CALM2: variants seen among roughly 807,000 people sequenced by gnomAD.
The protein encoded by CALM2 is calmodulin-2.
A neutral mutation model predicts 19.8 loss-of-function variants in CALM2; 2 were observed. That is an observed-to-expected ratio of 0.10 (90% CI 0.04 to 0.32). The LOEUF (loss-of-function observed/expected upper bound fraction) is 0.32, where lower values mean the gene tolerates loss of function less well. Ranked by LOEUF, CALM2 falls within the 10% of genes least tolerant of loss-of-function variation. The pLI, the probability that CALM2 is intolerant of heterozygous loss-of-function variation, is 1.00. For missense variants in CALM2, 38 were observed against 178.7 expected (o/e 0.21, Z 4.49); for synonymous variants, 51 against 52.1 (o/e 0.98, Z 0.09).
chr2:47,176,479 A>G lies in CALM2; in HGVS notation c.-36T>C, dbSNP rs367979208. ...CTACCGGTTTCCGAGACGCGACCACACAACCACTCAGCTCGCTCTCTCCAC... is the reference window on the plus strand; with the variant it reads ...CTACCGGTTTCCGAGACGCGACCACGCAACCACTCAGCTCGCTCTCTCCAC... On this transcript the variant is annotated 5_prime_UTR_variant, in exon 1 of 6. Transcript: ENST00000272298. The G allele has an allele frequency of 4.3e-6, 7 of 1,613,300 alleles. No individual in the cohort carries two copies. The highest frequency in any genetic ancestry group is 4.0e-5 in the African/African-American group (3 of 74,800).
chr2:47,161,573 ACT>A (rs1558694221), intron 5 of CALM2, 148 bp downstream of exon 5: 8 of 635,136 alleles, frequency 1.3e-5, no homozygotes, highest in Middle Eastern at 4.4e-4. Context: ...TGCAGACAAC[ACT>A]CTGAATTTTA....
At chr2:47,165,666 C>T (rs1341280621) in intron 2 of CALM2, among the ~76,000 whole-genome samples, 1 of 152,170 alleles carries the variant, frequency 6.6e-6, no homozygotes, top group Non-Finnish European at 1.5e-5. Flanking sequence ...TCCTTGGCCA[C>T]TTCATCTATA....
chr2:47,176,800 T>G, upstream of CALM2: 8 of 985,450 alleles, frequency 8.1e-6, no homozygotes, highest in Non-Finnish European at 9.6e-6. Context: ...GTGGCGGCGA[T>G]GCGTCCCCCG....
chr2:47,172,527 C>T (rs1018234373), intron 1 of CALM2: 15 of 1,178,712 alleles, frequency 1.3e-5, no homozygotes, highest in African/African-American at 4.8e-5. Context: ...TAAATATCAA[C>T]CTGACTAGCT....
chr2:47,162,187 A>C (rs1337596520), intron 4 of CALM2, 99 bp downstream of exon 4: 42 of 452,218 alleles, frequency 9.3e-5, no homozygotes, highest in Non-Finnish European at 1.3e-4. Flanking sequence ...AAAAAAAAAA[A>C]AAAAAAAAAA....
At chr2:47,167,277 T>C (rs893190183) in intron 2 of CALM2, among the ~76,000 whole-genome samples, 4 of 152,200 alleles carry the variant, frequency 2.6e-5, no homozygotes, top group Non-Finnish European at 4.4e-5. Context: ...ACTGTACATT[T>C]TTCCTATCAG....
chr2:47,161,020 C>T (rs184099809), intron 5 of CALM2, among the ~76,000 whole-genome samples: 21 of 152,180 alleles, frequency 1.4e-4, no homozygotes, highest in Admixed American at 1.3e-3. Flanking sequence ...GCCAAATTAA[C>T]GCTTTAGATA....
At chr2:47,174,521 T>A (rs1460125806) in intron 1 of CALM2, among the ~76,000 whole-genome samples, 1 of 152,182 alleles carries the variant, frequency 6.6e-6, no homozygotes, top group Admixed American at 6.5e-5. Context: ...AATAATGATA[T>A]CTGTCAATTT....
At chr2:47,176,774 G>T (rs1666888223), upstream of CALM2, 3 of 985,332 alleles carry the variant, frequency 3.0e-6, no homozygotes, top group South Asian at 1.4e-4. Context: ...GCTACTTTGC[G>T]GCGCGGAGGA....
intron 1 of CALM2, 85 bp downstream of exon 1, chr2:47,176,356 G>T: frequency 6.5e-7 from 1 of 1,529,840 alleles, no homozygotes. Context: ...AAGGTGTAAG[G>T]GAGGCGAGTT....
intron 1 of CALM2, chr2:47,172,530 G>T (rs1251731595): frequency 5.1e-6 from 6 of 1,167,288 alleles, no homozygotes; most frequent in South Asian, 1.4e-5. Context: ...ATATCAACCT[G>T]ACTAGCTCAA....
chr2:47,162,436 A>G, intron 3 of CALM2, 44 bp from the exon 4 acceptor site: 7 of 1,605,622 alleles, frequency 4.4e-6, no homozygotes, highest in Non-Finnish European at 6.0e-6. Context: ...GTGGAAACAT[A>G]TAAGCAAACA....
chr2:47,176,623 C>T (rs1429395396), upstream of CALM2: 3 of 1,515,658 alleles, frequency 2.0e-6, no homozygotes, highest in Non-Finnish European at 1.8e-6. Flanking sequence ...CCCCTCCCCT[C>T]AAACTCTTCT....
chr2:47,173,668 A>C (rs1666749687), intron 1 of CALM2: 1 of 152,226 alleles, frequency 6.6e-6, no homozygotes, highest in Non-Finnish European at 1.5e-5. Flanking sequence ...TATCTGAATA[A>C]ATGTGTGAGC....
Position 47,176,463 on chromosome 2 carries a change from T to C in CALM2, c.-20A>G, listed in dbSNP as rs1173611540. 6.2e-7 allele frequency: 1 copy of C among 1,613,784 alleles called. No homozygotes were observed. On this transcript the variant is annotated 5_prime_UTR_variant, in exon 1 of 6. Coordinates refer to ENST00000272298, the MANE Select transcript of CALM2 (RefSeq NM_001743.6). Reference sequence around the variant, plus strand: ...CACCATGCTGCAAGCGCTACCGGTTTCCGAGACGCGACCACACAACCACTC... The same window carrying C: ...CACCATGCTGCAAGCGCTACCGGTTCCCGAGACGCGACCACACAACCACTC...
chr2:47,171,535 A>T (rs1469959881), intron 1 of CALM2: 2 of 152,250 alleles, frequency 1.3e-5, no homozygotes, highest in Non-Finnish European at 2.9e-5. Context: ...AAGATAAAGC[A>T]CTAAGGTGTC....
intron 1 of CALM2, chr2:47,171,250 C>G (rs763183864): frequency 6.5e-6 from 1 of 153,770 alleles, no homozygotes; most frequent in Non-Finnish European, 1.4e-5. Flanking sequence ...GAGCTCTGAA[C>G]TACAGTACTA....
chr2:47,161,808 G>C lies in CALM2; in HGVS notation c.336C>G (p.Asn112Lys). Residue 112 changes from asparagine (N) to lysine (K), a missense_variant, in exon 5 of 6, where the codon AAC becomes AAG. Asn to Lys is a moderately conservative substitution (Grantham distance 94, BLOSUM62 0). Coordinates refer to ENST00000272298, the MANE Select transcript of CALM2 (RefSeq NM_001743.6). Reference sequence around the variant, plus strand: ...CTTCATCTGTTAACTTCTCTCCAAGGTTTGTCATCACATGGCGAAGTTCTG... The same window carrying C: ...CTTCATCTGTTAACTTCTCTCCAAGCTTTGTCATCACATGGCGAAGTTCTG... ...SAAELRHVMT[N>K]LGEKLTDEEV... The C allele has an allele frequency of 6.2e-7, 1 of 1,612,842 alleles. No homozygotes were observed. The highest frequency in any genetic ancestry group is 8.5e-7 in the Non-Finnish European group (1 of 1,179,278).
intron 2 of CALM2, among the ~76,000 whole-genome samples, chr2:47,164,347 AACACACACAC>A (rs61085424): frequency 1.8e-3 from 245 of 139,880 alleles, no homozygotes; most frequent in African/African-American, 5.2e-3. Context: ...TCTCTACTAA[AACACACACAC>A]ACACACACAC....
Sources: gnomAD v4.1 joint callset for allele counts (sites outside exome capture counted in the v4.1 genomes callset) on GRCh38, gnomAD v4.1.1 for gene constraint, MANE v1.5 for transcripts, NCBI Gene and HGNC (gene_info 2026-07-23, HGNC 2026-07-21) for gene names.